The following DIP2C variants were observed in gnomAD, a reference collection of about 807,000 sequenced individuals.
DIP2C encodes disco-interacting protein 2 homolog C.
A neutral mutation model predicts 192.4 loss-of-function variants in DIP2C; 33 were observed. The ratio of observed to expected loss-of-function variants is 0.17; its 90% CI spans 0.13 to 0.23. The LOEUF is 0.23. Ranked by LOEUF, DIP2C falls within the 10% of genes least tolerant of loss-of-function variation. DIP2C has a pLI of 1.00. For synonymous variants in DIP2C, 979 were observed against 864.1 expected, an observed-to-expected ratio of 1.13 and a Z score of -2.33; for missense variants, 1,537 against 2,110.1, an observed-to-expected ratio of 0.73 and a Z score of 5.32.
At chr10:686,162 G>A (rs2119111611) in intron 1 of DIP2C, among the ~76,000 whole-genome samples, 1 of 152,278 alleles carries the variant, frequency 6.6e-6, no homozygotes, top group African/African-American at 2.4e-5. Context: ...TCTGGGGAAA[G>A]GAGTATGAGA....
At chr10:460,625 A>C (rs1969693907) in intron 3 of DIP2C, among the ~76,000 whole-genome samples, 1 of 152,214 alleles carries the variant, frequency 6.6e-6, no homozygotes, top group Non-Finnish European at 1.5e-5. Flanking sequence ...AAGTTGGAAA[A>C]CACTCTTCAG....
chr10:472,730 C>T (rs1970729304), intron 2 of DIP2C, among the ~76,000 whole-genome samples, 181 bp from the exon 3 acceptor site: 1 of 152,170 alleles, frequency 6.6e-6, no homozygotes, highest in African/African-American at 2.4e-5. Flanking sequence ...TCTCCCACCG[C>T]CAGGGAGACC....
intron 6 of DIP2C, among the ~76,000 whole-genome samples, chr10:418,269 C>CTCCCTGT (rs1965929866): frequency 7.2e-6 from 1 of 139,146 alleles, no homozygotes; most frequent in South Asian, 2.4e-4. Context: ...CCTGTCAGGC[C>CTCCCTGT]TCAGATAGGC....
intron 32 of DIP2C, among the ~76,000 whole-genome samples, chr10:295,755 A>G (rs1442038389): frequency 1.3e-5 from 2 of 151,060 alleles, no homozygotes; most frequent in African/African-American, 4.9e-5. Context: ...TCCTTAAAAC[A>G]CACATACCCT....
rs532249531 is a variant in DIP2C, at chr10:651,617, G to A, written c.85+37877C>T. ...GGTGCATCTTTTATAAAACAAGAAC[G>A]CAAGGCTCTGAGGCCAACTTTGAAC... On this transcript the variant is annotated intron_variant, in intron 1 of 36. Transcript: ENST00000280886. The surrounding 1 kb of genome is among the most constrained non-coding windows in gnomAD (Gnocchi z 4.1). The A allele has an allele frequency of 5.0e-5, 18 of 359,184 alleles. No individual in the cohort carries two copies. The highest frequency in any genetic ancestry group is 3.0e-4 in the African/African-American group (14 of 47,172). 22.2% of individuals were successfully genotyped at this position (359,184 alleles called of 1,614,324 possible).
intron 29 of DIP2C, 79 bp from the exon 30 acceptor site, chr10:329,680 AC>A (rs1957417611): frequency 6.7e-7 from 1 of 1,503,246 alleles, no homozygotes; most frequent in Non-Finnish European, 8.9e-7. Context: ...TCAGGGCAGC[AC>A]TGACTCCAAG....
At chr10:428,059 T>C (rs564525543) in intron 4 of DIP2C, among the ~76,000 whole-genome samples, 1 of 152,320 alleles carries the variant, frequency 6.6e-6, no homozygotes, top group South Asian at 2.1e-4. Context: ...TCTAACAGAA[T>C]ATAATTCAAC....
chr10:289,072 C>CA (rs2132185741), intron 32 of DIP2C, among the ~76,000 whole-genome samples: 2 of 152,318 alleles, frequency 1.3e-5, no homozygotes, highest in East Asian at 3.9e-4. Flanking sequence ...GCATTTTTAC[C>CA]AGGTGCCTAG....
At chr10:517,610 A>G (rs1382001463) in intron 1 of DIP2C, among the ~76,000 whole-genome samples, 1 of 152,234 alleles carries the variant, frequency 6.6e-6, no homozygotes, top group Non-Finnish European at 1.5e-5. Flanking sequence ...AAGGCACCAT[A>G]TGGACGCCTT....
At chr10:501,910 T>G (rs958831601) in intron 1 of DIP2C, among the ~76,000 whole-genome samples, 1 of 152,092 alleles carries the variant, frequency 6.6e-6, no homozygotes, top group Non-Finnish European at 1.5e-5. Flanking sequence ...TTTGGGAGGC[T>G]GAGGTGGGAG....
intron 1 of DIP2C, among the ~76,000 whole-genome samples, chr10:533,174 C>T (rs890383292): frequency 6.6e-6 from 1 of 152,160 alleles, no homozygotes; most frequent in African/African-American, 2.4e-5. Flanking sequence ...GACCCTCCCT[C>T]GACGAAGCCT....
chr10:498,605 A>T (rs138195368), intron 1 of DIP2C, among the ~76,000 whole-genome samples: 1 of 152,276 alleles, frequency 6.6e-6, no homozygotes, highest in Non-Finnish European at 1.5e-5. Flanking sequence ...ACTGACTTCC[A>T]TTTCATTTAC....
intron 1 of DIP2C, among the ~76,000 whole-genome samples, chr10:654,807 T>C (rs1160699857): frequency 6.6e-6 from 1 of 152,224 alleles, no homozygotes; most frequent in Non-Finnish European, 1.5e-5. Flanking sequence ...TGCCCCATGC[T>C]GCGCGAGGCT....
chr10:349,530 AC>A (rs1341566627), intron 24 of DIP2C, 76 bp from the exon 25 acceptor site: 2 of 1,528,242 alleles, frequency 1.3e-6, no homozygotes, highest in African/African-American at 2.7e-5. Flanking sequence ...CACGCGTCAT[AC>A]AACTCACTGG....
At chr10:541,683 A>C (rs1197418157) in intron 1 of DIP2C, among the ~76,000 whole-genome samples, 4 of 83,854 alleles carry the variant, frequency 4.8e-5, no homozygotes, top group Admixed American at 1.3e-4. Flanking sequence ...GAACCCCAAG[A>C]GTGACCCTCC....
chr10:309,769 T>A (rs1044830003), intron 32 of DIP2C, among the ~76,000 whole-genome samples: 1 of 152,070 alleles, frequency 6.6e-6, no homozygotes, highest in Non-Finnish European at 1.5e-5. Context: ...CAGGCTGGTC[T>A]CGAACTCCTG....
intron 24 of DIP2C, 80 bp from the exon 25 acceptor site, chr10:349,534 C>T (rs1958690355): frequency 1.3e-6 from 2 of 1,518,410 alleles, no homozygotes; most frequent in African/African-American, 1.4e-5. Flanking sequence ...CGTCATACAA[C>T]TCACTGGCGC....
At chr10:634,298 C>A (rs1367185143) in intron 1 of DIP2C, among the ~76,000 whole-genome samples, 1 of 152,236 alleles carries the variant, frequency 6.6e-6, no homozygotes, top group African/African-American at 2.4e-5. Flanking sequence ...ATTTTATTAG[C>A]TGAGTTTTCT....
At chr10:354,730 G>A (rs1958995665) in intron 24 of DIP2C, among the ~76,000 whole-genome samples, 1 of 152,012 alleles carries the variant, frequency 6.6e-6, no homozygotes. Flanking sequence ...AGGGGAGGGA[G>A]GAAGCACTTT....
Sources: gnomAD v4.1 joint callset for allele counts (sites outside exome capture counted in the v4.1 genomes callset) on GRCh38, gnomAD v4.1.1 for gene constraint, Gnocchi (gnomAD v3.1) non-coding constraint, MANE v1.5 for transcripts, NCBI Gene and HGNC (gene_info 2026-07-23, HGNC 2026-07-21) for gene names.